KLF9: variants seen among roughly 807,000 people sequenced by gnomAD.
KLF9 encodes the protein KLF transcription factor 9, also known as Krueppel-like factor 9.
In KLF9, 2 loss-of-function variants were observed where a neutral mutation model predicts 17.3. That is an observed-to-expected ratio of 0.12 (90% CI 0.05 to 0.36). The LOEUF (loss-of-function observed/expected upper bound fraction) is 0.36, where lower values mean the gene tolerates loss of function less well. KLF9 is among the 10% of genes least tolerant of loss of function. The pLI is 1.00. For synonymous variants in KLF9, 138 were observed against 139.2 expected, an observed-to-expected ratio of 0.99 and a Z score of 0.06; for missense variants, 226 against 333.2, an observed-to-expected ratio of 0.68 and a Z score of 2.51.
intron 1 of KLF9, among the ~76,000 whole-genome samples, chr9:70,390,661 T>A (rs1398709706): frequency 6.7e-6 from 1 of 150,006 alleles, no homozygotes. Flanking sequence ...ACACACACTC[T>A]CTCTCTCTCT....
chr9:70,399,114 C>T (rs1442934502), intron 1 of KLF9, among the ~76,000 whole-genome samples: 1 of 152,174 alleles, frequency 6.6e-6, no homozygotes, highest in Non-Finnish European at 1.5e-5. Flanking sequence ...GGATTACAGC[C>T]GTGAGACACT....
chr9:70,408,432 G>A lies in KLF9; in HGVS notation c.505+4427C>T, dbSNP rs961311285. ...TCCACATCACTCTGGGGAGCCCTCT[G>A]GAAAGAAGAATGGGGTAGAGAGAAT... On this transcript the variant is annotated intron_variant, in intron 1 of 1. Coordinates refer to ENST00000377126, the MANE Select transcript of KLF9 (RefSeq NM_001206.4). 2.0e-5 allele frequency among the ~76,000 whole-genome samples: 3 copies of A among 152,052 alleles called. No homozygotes were observed. In the East Asian group the frequency reaches 5.8e-4, roughly 29 times the overall value.
intron 1 of KLF9, among the ~76,000 whole-genome samples, chr9:70,394,024 CAAA>C (rs10717844): frequency 2.5e-4 from 20 of 80,522 alleles, no homozygotes; most frequent in Admixed American, 2.6e-4. Flanking sequence ...GACCCTGTCT[CAAA>C]AAAAAAAAAA....
chr9:70,387,470 G>A lies in KLF9; in HGVS notation c.*306C>T. On this transcript the variant is annotated 3_prime_UTR_variant, in exon 2 of 2. Transcript: ENST00000377126. ...TACCCTCCCCCGCAAAAAAATAAAA[G>A]GAGAAAAAAAAACAAAAACAAAAAC... is the stretch of plus-strand genomic sequence containing the variant. 2.3e-4 allele frequency: 13 copies of A among 57,668 alleles called. No homozygotes were observed. The highest frequency in any genetic ancestry group is 0.013 in the Middle Eastern group (1 of 76). 3.6% of individuals were successfully genotyped at this position (57,668 alleles called of 1,614,324 possible). A position where few individuals can be genotyped will look rare whatever the true frequency, so the allele number is the denominator to read the frequency against.
intron 1 of KLF9, among the ~76,000 whole-genome samples, chr9:70,409,216 A>G (rs1200817241): frequency 7.5e-6 from 1 of 134,046 alleles, no homozygotes; most frequent in Non-Finnish European, 1.6e-5. Context: ...ATATATACAT[A>G]TATGTATATA....
intron 1 of KLF9, among the ~76,000 whole-genome samples, chr9:70,409,130 G>GTATATA (rs1404082637): frequency 1.9e-5 from 1 of 52,962 alleles, no homozygotes; most frequent in Non-Finnish European, 5.2e-5. Context: ...ATGTATATAT[G>GTATATA]TATACATATA....
chr9:70,401,473 G>T (rs906282522), intron 1 of KLF9, among the ~76,000 whole-genome samples: 7 of 151,844 alleles, frequency 4.6e-5, no homozygotes, highest in African/African-American at 1.7e-4. Flanking sequence ...ATCACTTCAG[G>T]TCAGAAGTTC....
chr9:70,412,172 C>T (rs994602548), intron 1 of KLF9, among the ~76,000 whole-genome samples: 5 of 107,432 alleles, frequency 4.7e-5, no homozygotes, highest in Non-Finnish European at 6.9e-5. Flanking sequence ...AGGGTGCGAC[C>T]TAAGTCACAT....
At chr9:70,395,766 A>G (rs1290124929) in intron 1 of KLF9, among the ~76,000 whole-genome samples, 1 of 152,064 alleles carries the variant, frequency 6.6e-6, no homozygotes, top group Non-Finnish European at 1.5e-5. Context: ...TAACATGGCG[A>G]AACCTCATCT....
chr9:70,411,699 C>T (rs895428835), intron 1 of KLF9, among the ~76,000 whole-genome samples: 21 of 152,178 alleles, frequency 1.4e-4, no homozygotes, highest in African/African-American at 5.1e-4. Context: ...TTTTAAACCA[C>T]AGGCCCAAGA....
intron 1 of KLF9, among the ~76,000 whole-genome samples, chr9:70,395,244 T>A (rs77978374): frequency 0.014 from 2,071 of 152,258 alleles, 51 homozygotes; most frequent in African/African-American, 0.046. Flanking sequence ...TTTAATTCAG[T>A]AAGTGGCTTA....
In KLF9 at chr9:70,413,991, A is replaced by G. The variant is rs2037354376; in HGVS notation, c.-628T>C. ...CAGAATCCCATCACGTCACAAACCA[A>G]ACCCCCTCCAATTGGCCAGTGGGGA... On this transcript the variant is annotated 5_prime_UTR_variant, in exon 1 of 2. Transcript: ENST00000377126. The surrounding 1 kb of genome is among the most constrained non-coding windows in gnomAD (Gnocchi z 5.6). The G allele has an allele frequency of 6.6e-6, 1 of 152,574 alleles. No individual in the cohort carries two copies. Among genetic ancestry groups the G allele is most frequent in the Admixed American group, 6.5e-5 (1 of 15,276 alleles). 9.5% of individuals were successfully genotyped at this position (152,574 alleles called of 1,614,324 possible). A position where few individuals can be genotyped will look rare whatever the true frequency, so the allele number is the denominator to read the frequency against.
chr9:70,393,166 G>C (rs1564086289), intron 1 of KLF9, among the ~76,000 whole-genome samples: 1 of 152,220 alleles, frequency 6.6e-6, no homozygotes, highest in Non-Finnish European at 1.5e-5. Flanking sequence ...TTCCTTTGCA[G>C]AGACAGTCAT....
intron 1 of KLF9, among the ~76,000 whole-genome samples, chr9:70,397,339 G>C (rs1295099914): frequency 6.6e-6 from 1 of 152,086 alleles, no homozygotes; most frequent in Non-Finnish European, 1.5e-5. Flanking sequence ...GCCAGGCATG[G>C]TGGCACATGC....
At chr9:70,393,426 C>A (rs181445344) in intron 1 of KLF9, among the ~76,000 whole-genome samples, 1 of 152,304 alleles carries the variant, frequency 6.6e-6, no homozygotes, top group East Asian at 1.9e-4. Flanking sequence ...AGCTTGCTCA[C>A]TGGACATAGG....
intron 1 of KLF9, among the ~76,000 whole-genome samples, chr9:70,406,398 C>T (rs2037255002): frequency 6.6e-6 from 1 of 152,174 alleles, no homozygotes; most frequent in Admixed American, 6.5e-5. Flanking sequence ...GAACAATCCC[C>T]ATCTCTCTGA....
intron 1 of KLF9, among the ~76,000 whole-genome samples, chr9:70,390,078 T>C (rs56024285): frequency 0.025 from 3,796 of 152,310 alleles, 139 homozygotes; most frequent in African/African-American, 0.086. Flanking sequence ...TGCAGAAATA[T>C]GATAAAACAA....
chr9:70,397,326 T>G (rs940047064), intron 1 of KLF9, among the ~76,000 whole-genome samples: 7 of 151,674 alleles, frequency 4.6e-5, no homozygotes, highest in African/African-American at 1.7e-4. Context: ...AATACAAAAA[T>G]TAGCCAGGCA....
In KLF9 at chr9:70,386,832, T is replaced by C. The variant is rs2037113439; in HGVS notation, c.*944A>G. 1 of 152,514 alleles carries C rather than the reference T, an allele frequency of 6.6e-6. No homozygotes were observed. Among genetic ancestry groups the C allele is most frequent in the African/African-American group, 2.4e-5 (1 of 41,454 alleles). The allele number at this position is 152,514 out of a possible 1,614,324, so 9.4% of individuals were successfully genotyped here. Reference sequence around the variant, plus strand: ...TCCTTCTCCTTCAGCATCTGTTGTGTATATTCTGCCCTCACATCTCTGCCA... The same window carrying C: ...TCCTTCTCCTTCAGCATCTGTTGTGCATATTCTGCCCTCACATCTCTGCCA... On this transcript the variant is annotated 3_prime_UTR_variant, in exon 2 of 2. Coordinates refer to ENST00000377126, the MANE Select transcript of KLF9 (RefSeq NM_001206.4).
Sources: allele counts gnomAD v4.1 joint callset (sites outside exome capture counted in the v4.1 genomes callset), GRCh38; gene constraint gnomAD v4.1.1; non-coding constraint Gnocchi (gnomAD v3.1); transcripts MANE v1.5; gene names NCBI Gene and HGNC (gene_info 2026-07-23, HGNC 2026-07-21).